FSD2: variants seen among roughly 807,000 people sequenced by gnomAD.
The protein encoded by FSD2 is fibronectin type III and SPRY domain-containing protein 2.
A neutral mutation model predicts 80.4 loss-of-function variants in FSD2; 71 were observed. The observed-to-expected ratio is 0.88, with a 90% confidence interval of 0.73 to 1.08. FSD2 has a LOEUF of 1.08. Ranked by LOEUF, FSD2 falls within the 50% of genes least tolerant of loss-of-function variation. FSD2 has a pLI of 0.00. For missense variants in FSD2, 923 were observed against 913.8 expected (o/e 1.01, Z -0.13); for synonymous variants, 361 against 329.5 (o/e 1.10, Z -1.03).
At chr15:82,776,325 G>C (rs1567306781) in intron 6 of FSD2, among the ~76,000 whole-genome samples, 1 of 152,140 alleles carries the variant, frequency 6.6e-6, no homozygotes, top group Non-Finnish European at 1.5e-5. Flanking sequence ...ATACTTGATA[G>C]ATTTCATTCT....
Position 82,782,925 on chromosome 15 carries a change from TC to T in FSD2, c.835del (p.Glu279ArgfsTer21). On this transcript the variant is annotated frameshift_variant, in exon 4 of 13. Transcript: ENST00000334574. LOFTEE classifies it high-confidence loss of function. Reference sequence around the variant, plus strand: ...GGCTTCCAGCTTCTCTTTCTTTTTCTCCCCTAGAGCTTGTATTTTTTCCTCA... The same window carrying T: ...GGCTTCCAGCTTCTCTTTCTTTTTCTCCCTAGAGCTTGTATTTTTTCCTCA... ...KYEEKIQALG[E>X]KKKEKLEALY... is the part of the protein sequence containing the mutation. The T allele has an allele frequency of 6.2e-7, 1 of 1,613,898 alleles. No homozygotes were observed. The highest frequency in any genetic ancestry group is 1.3e-5 in the African/African-American group (1 of 75,030).
At chr15:82,769,630 A>G in intron 8 of FSD2, 120 bp downstream of exon 8, 2 of 1,243,820 alleles carry the variant, frequency 1.6e-6, no homozygotes, top group Non-Finnish European at 2.2e-6. Context: ...AAAGAAAAAA[A>G]TGTACACAGC....
In FSD2 at chr15:82,762,155, A is replaced by G. The variant is rs761666937; in HGVS notation, c.1944T>C (p.Asp648=). ...VAFADVRKQE[D]LGANCLSWCM... ...ACCAGGAGAGGCAATTTGCTCCCAGATCCTCCTGTTTACGGACATCTGCAA... is the reference window on the plus strand; with the variant it reads ...ACCAGGAGAGGCAATTTGCTCCCAGGTCCTCCTGTTTACGGACATCTGCAA... Residue 648 remains aspartate, a synonymous_variant, in exon 12 of 13, where the codon GAT becomes GAC. Coordinates refer to ENST00000334574, the MANE Select transcript of FSD2 (RefSeq NM_001007122.4). The G allele has an allele frequency of 3.1e-6, 5 of 1,612,300 alleles. No individual in the cohort carries two copies. The Admixed American group carries it at 6.7e-5, about 22-fold the overall frequency.
chr15:82,777,555 G>C (rs73445046), intron 6 of FSD2, among the ~76,000 whole-genome samples: 2,589 of 152,184 alleles, frequency 0.017, 78 homozygotes, highest in African/African-American at 0.06. Flanking sequence ...TTGTCAAAAA[G>C]TGAAAGGAGG....
chr15:82,764,492 C>CTTTTTTTTTTTTTTTTT lies in FSD2; in HGVS notation c.1820+657_1820+673dup, dbSNP rs60095355. On this transcript the variant is annotated intron_variant, in intron 11 of 12. Transcript: ENST00000334574. Reference sequence around the variant, plus strand: ...CTCTTGTTGCTTCATTCTTTACTTGCTTTTTTTTTTTTTTTTTTTTGAGAA... The same window carrying CTTTTTTTTTTTTTTTTT: ...CTCTTGTTGCTTCATTCTTTACTTGCTTTTTTTTTTTTTTTTTTTTTTTTTTTTTTTTTTTTTGAGAA... Among the ~76,000 whole-genome samples, 278 of 86,090 alleles carry CTTTTTTTTTTTTTTTTT rather than the reference C, an allele frequency of 3.2e-3. 42 individuals are homozygous for CTTTTTTTTTTTTTTTTT. Among genetic ancestry groups the CTTTTTTTTTTTTTTTTT allele is most frequent in the East Asian group, 0.012 (36 of 3,094 alleles). The allele number at this position is 86,090 out of a possible 152,430, so 56.5% of individuals were successfully genotyped here.
chr15:82,776,487 A>G (rs562419286), intron 6 of FSD2, among the ~76,000 whole-genome samples: 4 of 152,308 alleles, frequency 2.6e-5, no homozygotes, highest in Middle Eastern at 6.8e-3. Context: ...TAGTGTTAAA[A>G]TGCATCAAAA....
rs909831837 is a variant in FSD2 at position 82,759,230 on chromosome 15, C to T, written c.*118G>A. Reference sequence around the variant, plus strand: ...CGCTAGCACACCAGTCAGATAATAGCATGAGCCATAAATTGTGCTGGGCAC... The same window carrying T: ...CGCTAGCACACCAGTCAGATAATAGTATGAGCCATAAATTGTGCTGGGCAC... On this transcript the variant is annotated 3_prime_UTR_variant, in exon 13 of 13. Transcript: ENST00000334574. 4.5e-6 allele frequency: 5 copies of T among 1,101,652 alleles called. No homozygotes were observed. The highest frequency in any genetic ancestry group is 3.3e-5 in the South Asian group (2 of 61,498). 68.2% of individuals were successfully genotyped at this position (1,101,652 alleles called of 1,614,324 possible). A position where few individuals can be genotyped will look rare whatever the true frequency, so the allele number is the denominator to read the frequency against.
At chr15:82,788,174 A>T (rs536801095) in intron 1 of FSD2, among the ~76,000 whole-genome samples, 6 of 152,218 alleles carry the variant, frequency 3.9e-5, no homozygotes, top group African/African-American at 1.4e-4. Context: ...CACCTGCACA[A>T]AAACATTTGA....
In FSD2 at chr15:82,759,196, T is replaced by C. The variant is rs1271150482; in HGVS notation, c.*152A>G. Reference sequence around the variant, plus strand: ...ACACAGGACTAGAATCCAGGTTGGGTGAAATGAGCGCTAGCACACCAGTCA... The same window carrying C: ...ACACAGGACTAGAATCCAGGTTGGGCGAAATGAGCGCTAGCACACCAGTCA... On this transcript the variant is annotated 3_prime_UTR_variant, in exon 13 of 13. Coordinates refer to ENST00000334574, the MANE Select transcript of FSD2 (RefSeq NM_001007122.4). 2.5e-6 allele frequency: 2 copies of C among 814,602 alleles called. No individual in the cohort carries two copies. Among genetic ancestry groups the C allele is most frequent in the African/African-American group, 3.5e-5 (2 of 57,702 alleles). The allele number at this position is 814,602 out of a possible 1,614,324, so 50.5% of individuals were successfully genotyped here.
At chr15:82,768,172 T>C (rs1318379462) in intron 9 of FSD2, among the ~76,000 whole-genome samples, 1 of 152,240 alleles carries the variant, frequency 6.6e-6, no homozygotes, top group East Asian at 1.9e-4. Context: ...TCTTTGTACA[T>C]TCAGCTGCAA....
Position 82,758,641 on chromosome 15 carries a change from A to T in FSD2, c.*707T>A, listed in dbSNP as rs888286200. 6.5e-6 allele frequency: 1 copy of T among 152,850 alleles called. No individual in the cohort carries two copies. The highest frequency in any genetic ancestry group is 3.4e-3 in the Middle Eastern group (1 of 294). The allele number at this position is 152,850 out of a possible 1,614,324, so 9.5% of individuals were successfully genotyped here. On this transcript the variant is annotated 3_prime_UTR_variant, in exon 13 of 13. Coordinates refer to ENST00000334574, the MANE Select transcript of FSD2 (RefSeq NM_001007122.4). ...GGCCAAAGAGCAGTGGCTGAAGAAG[A>T]TACTAATTTATTCAACAAATACTTG...
intron 2 of FSD2, 49 bp downstream of exon 2, chr15:82,786,703 G>A (rs1312078933): frequency 6.2e-7 from 1 of 1,607,746 alleles, no homozygotes; most frequent in South Asian, 1.1e-5. Flanking sequence ...ATGTACTTGA[G>A]ATACCAAAGC....
Position 82,766,019 on chromosome 15 carries a change from G to A in FSD2, c.1566C>T (p.Gly522=), listed in dbSNP as rs990306167. ...EASGVTESVV[G]IPTCESVVQL... is the part of the protein sequence containing the mutation. The stretch of plus-strand genomic sequence containing the variant: ...GCACCACGGACTCGCAGGTCGGGAT[G>A]CCCACAACAGACCTGTACAAGGAAG... Residue 522 remains glycine, a synonymous_variant, in exon 10 of 13, where the codon GGC becomes GGT. Coordinates refer to ENST00000334574, the MANE Select transcript of FSD2 (RefSeq NM_001007122.4). 2 of 1,584,700 alleles carry A rather than the reference G, an allele frequency of 1.3e-6. No individual in the cohort carries two copies.
intron 6 of FSD2, among the ~76,000 whole-genome samples, chr15:82,777,176 A>G (rs1181891820): frequency 6.6e-6 from 1 of 152,230 alleles, no homozygotes; most frequent in Non-Finnish European, 1.5e-5. Flanking sequence ...ATGATTTCTT[A>G]GATTTGACAC....
intron 1 of FSD2, among the ~76,000 whole-genome samples, chr15:82,797,530 G>A (rs940561380): frequency 2.0e-5 from 3 of 152,210 alleles, no homozygotes; most frequent in African/African-American, 7.2e-5. Context: ...ACAATTATTG[G>A]CCAGGCGTGG....
At chr15:82,797,131 T>A (rs958988409) in intron 1 of FSD2, among the ~76,000 whole-genome samples, 1 of 151,888 alleles carries the variant, frequency 6.6e-6, no homozygotes, top group Non-Finnish European at 1.5e-5. Flanking sequence ...TAAGAAAAAA[T>A]TTGTTTTCAA....
chr15:82,787,134 A>C lies in FSD2; in HGVS notation c.257T>G (p.Leu86Ter), dbSNP rs1347513668. Residue 86 changes from leucine (L) to a stop codon, truncating the protein, a stop_gained, in exon 2 of 13, where the codon TTA becomes TGA. Coordinates refer to ENST00000334574, the MANE Select transcript of FSD2 (RefSeq NM_001007122.4). LOFTEE classifies it high-confidence loss of function. ...GTTTTCATCAACAAACTCATCCCCT[A>C]ATTCATGATCATCTTCAAGTCCATA... is the stretch of plus-strand genomic sequence containing the variant. ...HLYGLEDDHE[L>*]GDEFVDENIP... is the part of the protein sequence containing the mutation. The C allele has an allele frequency of 6.2e-7, 1 of 1,613,998 alleles. No homozygotes were observed. The highest frequency in any genetic ancestry group is 2.2e-5 in the East Asian group (1 of 44,874).
chr15:82,797,327 T>G (rs1014725062), intron 1 of FSD2, among the ~76,000 whole-genome samples: 1 of 152,254 alleles, frequency 6.6e-6, no homozygotes, highest in South Asian at 2.1e-4. Context: ...TTTCCATCAA[T>G]GTTTGATTAC....
intron 1 of FSD2, among the ~76,000 whole-genome samples, chr15:82,797,041 A>C (rs1004757419): frequency 4.7e-4 from 64 of 134,848 alleles, no homozygotes; most frequent in Non-Finnish European, 9.4e-4. Flanking sequence ...AAAAAAAAAA[A>C]CACCTCCAGG....
Sources: allele counts gnomAD v4.1 joint callset (sites outside exome capture counted in the v4.1 genomes callset), GRCh38; gene constraint gnomAD v4.1.1; transcripts MANE v1.5; gene names NCBI Gene and HGNC (gene_info 2026-07-23, HGNC 2026-07-21).